Variants in CDC42BPA observed in about 807,000 individuals in gnomAD.
CDC42BPA encodes CDC42 binding protein kinase alpha, also known as serine/threonine-protein kinase MRCK alpha.
CDC42BPA carries 80 observed loss-of-function variants against 223.5 expected under a neutral mutation model. The observed-to-expected ratio is 0.36, with a 90% CI of 0.30 to 0.43. The LOEUF (loss-of-function observed/expected upper bound fraction) is 0.43, where lower values mean the gene tolerates loss of function less well. Ranked by LOEUF, CDC42BPA falls within the 20% of genes least tolerant of loss-of-function variation. The pLI is 1.00. For missense variants in CDC42BPA, 1,743 were observed against 2,099.9 expected (o/e 0.83, Z 3.32); for synonymous variants, 694 against 718.6 (o/e 0.97, Z 0.55).
At chr1:227,265,026 A>G in intron 1 of CDC42BPA, 1 of 800,148 alleles carries the variant, frequency 1.2e-6, no homozygotes, top group South Asian at 1.3e-5. Flanking sequence ...CTGTCATCAC[A>G]CTGAGGATTT....
chr1:227,059,253 C>T (rs1675266285), intron 21 of CDC42BPA: 1 of 790,838 alleles, frequency 1.3e-6, no homozygotes, highest in African/African-American at 1.7e-5. Context: ...CAGCACAAAG[C>T]ATGCAATAGA....
intron 1 of CDC42BPA, among the ~76,000 whole-genome samples, chr1:227,297,965 T>C (rs201817739): frequency 2.4e-5 from 2 of 83,430 alleles, no homozygotes; most frequent in African/African-American, 5.0e-5. Context: ...TATATATACA[T>C]ATACACACAC....
At chr1:227,145,241 A>T (rs1195422360) in intron 8 of CDC42BPA, among the ~76,000 whole-genome samples, 1 of 152,184 alleles carries the variant, frequency 6.6e-6, no homozygotes, top group Non-Finnish European at 1.5e-5. Flanking sequence ...GCTTAATGGC[A>T]TAACTTATCT....
chr1:227,112,321 C>A lies in CDC42BPA; in HGVS notation c.1992G>T (p.Glu664Asp). ...HYSKQLENEL[E>D]GLKQKQISYS... ...TGAAGTCAAAAGATACCTTCAGTCCCTCCAATTCATTTTCCAGTTGCTTAG... is the reference window on the plus strand; with the variant it reads ...TGAAGTCAAAAGATACCTTCAGTCCATCCAATTCATTTTCCAGTTGCTTAG... Residue 664 changes from glutamate to aspartate, a missense_variant, in exon 14 of 37, where the codon GAG becomes GAT. Glu to Asp is a conservative substitution (Grantham distance 45). This residue lies in a region of CDC42BPA where 464 missense variants were observed against 488.0 expected (regional missense o/e 0.95). Coordinates refer to ENST00000366766, the MANE Select transcript of CDC42BPA (RefSeq NM_001394014.1). 1 of 1,580,506 alleles carries A rather than the reference C, an allele frequency of 6.3e-7. No individual in the cohort carries two copies. The highest frequency in any genetic ancestry group is 8.6e-7 in the Non-Finnish European group (1 of 1,159,572).
chr1:227,299,163 T>A (rs1691217407), intron 1 of CDC42BPA, among the ~76,000 whole-genome samples: 1 of 152,166 alleles, frequency 6.6e-6, no homozygotes, highest in Admixed American at 6.5e-5. Flanking sequence ...GGAAAGAAAA[T>A]GAAACTTGAC....
intron 11 of CDC42BPA, among the ~76,000 whole-genome samples, chr1:227,123,598 C>A (rs888165322): frequency 2.0e-5 from 3 of 151,932 alleles, no homozygotes; most frequent in Non-Finnish European, 4.4e-5. Context: ...GAATTGAGGT[C>A]AAAAAATGGG....
chr1:227,211,256 A>G (rs1673835674), intron 3 of CDC42BPA, among the ~76,000 whole-genome samples: 3 of 152,174 alleles, frequency 2.0e-5, no homozygotes, highest in Admixed American at 2.0e-4. Context: ...GGATATTACT[A>G]TACAATAATT....
At chr1:227,301,462 C>T (rs568275045) in intron 1 of CDC42BPA, among the ~76,000 whole-genome samples, 2 of 151,662 alleles carry the variant, frequency 1.3e-5, no homozygotes, top group African/African-American at 2.4e-5. Context: ...TGGGTTCAAG[C>T]GATTCTCCTG....
At chr1:227,132,764 A>G (rs1657466230) in intron 10 of CDC42BPA, among the ~76,000 whole-genome samples, 1 of 148,216 alleles carries the variant, frequency 6.7e-6, no homozygotes, top group African/African-American at 2.5e-5. Context: ...TGGGATGTGG[A>G]GAGCGCCTCT....
intron 15 of CDC42BPA, 96 bp downstream of exon 15, chr1:227,100,896 G>T: frequency 1.2e-6 from 1 of 811,464 alleles, no homozygotes; most frequent in Non-Finnish European, 1.9e-6. Context: ...TCTCCTTTAG[G>T]TCTAGGATAT....
At chr1:227,304,823 G>A in intron 1 of CDC42BPA, among the ~76,000 whole-genome samples, 1 of 152,196 alleles carries the variant, frequency 6.6e-6, no homozygotes, top group South Asian at 2.1e-4. Context: ...TTTTAGGGAT[G>A]ATGGAACTGC....
chr1:227,142,871 G>A, intron 9 of CDC42BPA, 74 bp downstream of exon 9: 1 of 944,118 alleles, frequency 1.1e-6, no homozygotes, highest in Non-Finnish European at 1.6e-6. Flanking sequence ...ACCTGTCTTG[G>A]CCTCCCAAAG....
intron 5 of CDC42BPA, among the ~76,000 whole-genome samples, chr1:227,166,894 G>A (rs1456251367): frequency 1.3e-5 from 2 of 152,124 alleles, no homozygotes; most frequent in Non-Finnish European, 2.9e-5. Context: ...AAACTTGGGG[G>A]AGGGGGGCTC....
intron 1 of CDC42BPA, among the ~76,000 whole-genome samples, chr1:227,272,829 T>C (rs1686186211): frequency 6.6e-6 from 1 of 152,178 alleles, no homozygotes; most frequent in Non-Finnish European, 1.5e-5. Context: ...GTATATCAAG[T>C]AATTGAGAGA....
chr1:227,235,439 T>C (rs1484750636), intron 2 of CDC42BPA: 1 of 152,224 alleles, frequency 6.6e-6, no homozygotes, highest in Non-Finnish European at 1.5e-5. Flanking sequence ...ATATGGCAAG[T>C]TGAATATAGC....
At chr1:227,047,540 T>C (rs372698470) in intron 23 of CDC42BPA, among the ~76,000 whole-genome samples, 2 of 152,166 alleles carry the variant, frequency 1.3e-5, no homozygotes, top group East Asian at 3.9e-4. Context: ...ACTTCAGTCA[T>C]ATTTATGTCA....
In CDC42BPA at chr1:227,145,726, C is replaced by T; in HGVS notation, c.906G>A (p.Gln302=). The change falls in exon 8 of 37, where the codon CAG becomes CAA. Residue 302 remains glutamine, a synonymous_variant. Transcript: ENST00000366766. ...ACACATCAGTCACTTGGGCTGGAAA[C>T]TGAAACCTCTCCTAAACAGAGAAAA... The part of the protein sequence containing the change: ...GKIMNHKERF[Q]FPAQVTDVSE... 2 of 1,613,002 alleles carry T rather than the reference C, an allele frequency of 1.2e-6. No homozygotes were observed. Among genetic ancestry groups the T allele is most frequent in the East Asian group, 2.2e-5 (1 of 44,788 alleles).
At chr1:227,053,396 GGGA>G (rs1424664418) in intron 21 of CDC42BPA, among the ~76,000 whole-genome samples, 2 of 152,122 alleles carry the variant, frequency 1.3e-5, no homozygotes, top group Non-Finnish European at 2.9e-5. Flanking sequence ...TACTGGATTT[GGGA>G]GGAGTAGGGA....
chr1:227,145,165 G>T (rs1260294451), intron 8 of CDC42BPA, among the ~76,000 whole-genome samples: 1 of 152,114 alleles, frequency 6.6e-6, no homozygotes, highest in Non-Finnish European at 1.5e-5. Flanking sequence ...GGAGAAATTT[G>T]CCAACCTCTG....
Sources: allele counts gnomAD v4.1 joint callset (sites outside exome capture counted in the v4.1 genomes callset), GRCh38; gene constraint gnomAD v4.1.1; regional missense constraint gnomAD v4.1.1; transcripts MANE v1.5; gene names NCBI Gene and HGNC (gene_info 2026-07-23, HGNC 2026-07-21).